WDTC1: variants seen among roughly 807,000 people sequenced by gnomAD.
The protein encoded by WDTC1 is WD and tetratricopeptide repeats 1, also known as WD and tetratricopeptide repeats protein 1.
In WDTC1, 12 loss-of-function variants were observed where a neutral mutation model predicts 76.0. The observed-to-expected ratio is 0.16, with a 90% CI of 0.10 to 0.26. The LOEUF is 0.26. Among genes scored for constraint, WDTC1 ranks in the 10% least tolerant of loss-of-function variants. WDTC1 has a pLI of 1.00. For missense variants in WDTC1, 511 were observed against 908.8 expected, an observed-to-expected ratio of 0.56 and a Z score of 5.63; for synonymous variants, 326 against 350.8, an observed-to-expected ratio of 0.93 and a Z score of 0.79.
At chr1:27,289,003 C>A (rs1292886077) in intron 6 of WDTC1, among the ~76,000 whole-genome samples, 2 of 146,668 alleles carry the variant, frequency 1.4e-5, no homozygotes, top group Middle Eastern at 3.6e-3. Context: ...CACCTCCCTC[C>A]CGGACGGGGC....
chr1:27,261,837 T>C (rs2012484574), intron 2 of WDTC1, among the ~76,000 whole-genome samples: 1 of 152,198 alleles, frequency 6.6e-6, no homozygotes, highest in African/African-American at 2.4e-5. Context: ...ATAATGGCCA[T>C]CTGCCTGTAG....
At chr1:27,267,897 T>G (rs991056296) in intron 3 of WDTC1, among the ~76,000 whole-genome samples, 1 of 152,236 alleles carries the variant, frequency 6.6e-6, no homozygotes, top group African/African-American at 2.4e-5. Context: ...TACAATTTTT[T>G]GCATGTACAA....
intron 6 of WDTC1, 103 bp downstream of exon 6, chr1:27,287,964 A>C: frequency 7.1e-7 from 1 of 1,401,598 alleles, no homozygotes; most frequent in Non-Finnish European, 9.6e-7. Context: ...CAGAGGTCCA[A>C]CCTCCTTTGT....
intron 1 of WDTC1, among the ~76,000 whole-genome samples, chr1:27,258,669 G>A (rs988273793): frequency 6.6e-6 from 1 of 152,054 alleles, no homozygotes; most frequent in African/African-American, 2.4e-5. Flanking sequence ...TTGGCAGCGA[G>A]TTTTTTTTAT....
At chr1:27,272,929 A>T (rs1304694465) in intron 3 of WDTC1, among the ~76,000 whole-genome samples, 1 of 152,176 alleles carries the variant, frequency 6.6e-6, no homozygotes, top group Non-Finnish European at 1.5e-5. Flanking sequence ...TAAACTACAT[A>T]TATAGAAATT....
chr1:27,303,893 C>A lies in WDTC1; in HGVS notation c.1643+98C>A. ...TGGTTTCAGAGAAGAATCTCAAATC[C>A]CTGCTCTGCCTCTGTACCCTTGGGC... On this transcript the variant is annotated intron_variant, in intron 14 of 15. Coordinates refer to ENST00000319394, the MANE Select transcript of WDTC1 (RefSeq NM_001276252.2). The surrounding 1 kb of genome is among the most constrained non-coding windows in gnomAD (Gnocchi z 4.8). 6.7e-7 allele frequency: 1 copy of A among 1,501,418 alleles called. No individual in the cohort carries two copies. The highest frequency in any genetic ancestry group is 2.3e-5 in the East Asian group (1 of 42,676). 93.0% of individuals were successfully genotyped at this position (1,501,418 alleles called of 1,614,324 possible).
chr1:27,279,796 G>A (rs1344724970), intron 3 of WDTC1, among the ~76,000 whole-genome samples: 6 of 152,106 alleles, frequency 3.9e-5, no homozygotes, highest in Non-Finnish European at 7.4e-5. Context: ...CCAACTCCTG[G>A]GCTCAAGCAA....
intron 9 of WDTC1, among the ~76,000 whole-genome samples, chr1:27,295,262 A>G (rs2147982778): frequency 6.6e-6 from 1 of 152,196 alleles, no homozygotes; most frequent in East Asian, 1.9e-4. Flanking sequence ...ATGACAAACG[A>G]AACAGTTAAT....
intron 1 of WDTC1, among the ~76,000 whole-genome samples, chr1:27,254,789 C>T (rs531899946): frequency 4.6e-5 from 7 of 152,172 alleles, no homozygotes; most frequent in South Asian, 2.1e-4. Context: ...TGCACCACCA[C>T]GCCTGGCTGA....
intron 3 of WDTC1, among the ~76,000 whole-genome samples, chr1:27,278,940 C>T (rs956647978): frequency 2.6e-5 from 4 of 152,240 alleles, no homozygotes; most frequent in African/African-American, 9.6e-5. Context: ...ATGTGTGCTT[C>T]GAACCCCAGC....
At chr1:27,239,933 C>T (rs922179465) in intron 1 of WDTC1, among the ~76,000 whole-genome samples, 3 of 151,536 alleles carry the variant, frequency 2.0e-5, no homozygotes, top group African/African-American at 7.3e-5. Flanking sequence ...GCTCTTATTG[C>T]CCAGGCTGGA....
intron 3 of WDTC1, among the ~76,000 whole-genome samples, chr1:27,269,546 G>T (rs867780353): frequency 6.6e-6 from 1 of 150,644 alleles, no homozygotes; most frequent in African/African-American, 2.4e-5. Context: ...ATGGACAATG[G>T]AGAGTCATTG....
At chr1:27,270,176 G>A (rs1275163843) in intron 3 of WDTC1, among the ~76,000 whole-genome samples, 1 of 151,974 alleles carries the variant, frequency 6.6e-6, no homozygotes, top group African/African-American at 2.4e-5. Context: ...CACCCACCTT[G>A]GCCTCTCAAA....
chr1:27,269,620 G>GTTTT (rs1458595103), intron 3 of WDTC1, among the ~76,000 whole-genome samples: 2 of 19,432 alleles, frequency 1.0e-4, no homozygotes, highest in East Asian at 2.4e-3. Context: ...TTTTTTTTTC[G>GTTTT]GTTTTTTTTT....
chr1:27,260,908 G>T, intron 1 of WDTC1, 48 bp from the exon 2 acceptor site: 1 of 885,722 alleles, frequency 1.1e-6, no homozygotes, highest in Non-Finnish European at 1.7e-6. Flanking sequence ...GGTCTTGGGA[G>T]TCACTTTATT....
intron 1 of WDTC1, among the ~76,000 whole-genome samples, chr1:27,236,575 A>G (rs2011494342): frequency 6.6e-6 from 1 of 152,212 alleles, no homozygotes; most frequent in South Asian, 2.1e-4. Context: ...ACGTGTAAAT[A>G]TTATGATGAT....
rs1011481243 is a variant in WDTC1, at chr1:27,301,349, C to T, written c.1356C>T (p.Ala452=). The T allele has an allele frequency of 6.2e-7, 1 of 1,614,178 alleles. No homozygotes were observed. The highest frequency in any genetic ancestry group is 1.7e-5 in the Admixed American group (1 of 60,014). ...TTGAGCTCAAGTATGTGGCTGAAGC[C>T]CTGGAGTGCCTGGACGACTTCAAAG... ...CLFELKYVAE[A]LECLDDFKGK... is the part of the protein sequence containing the mutation. Residue 452 remains alanine, a synonymous_variant, in exon 13 of 16, where the codon GCC becomes GCT. Coordinates refer to ENST00000319394, the MANE Select transcript of WDTC1 (RefSeq NM_001276252.2). The surrounding 1 kb of genome is among the most constrained non-coding windows in gnomAD (Gnocchi z 5.8).
At chr1:27,259,621 A>G (rs192703012) in intron 1 of WDTC1, among the ~76,000 whole-genome samples, 47 of 152,166 alleles carry the variant, frequency 3.1e-4, no homozygotes, top group Admixed American at 2.5e-3. Context: ...GCACTGCACC[A>G]CCACACCTGA....
At chr1:27,249,284 A>G (rs1169339289) in intron 1 of WDTC1, among the ~76,000 whole-genome samples, 2 of 144,712 alleles carry the variant, frequency 1.4e-5, no homozygotes, top group South Asian at 4.4e-4. Flanking sequence ...AAAAAAAGCC[A>G]TATCCTTTAG....
Sources: gnomAD v4.1 joint callset for allele counts (sites outside exome capture counted in the v4.1 genomes callset) on GRCh38, gnomAD v4.1.1 for gene constraint, Gnocchi (gnomAD v3.1) non-coding constraint, MANE v1.5 for transcripts, NCBI Gene and HGNC (gene_info 2026-07-23, HGNC 2026-07-21) for gene names.